The following PPARGC1A variants were observed in gnomAD, a reference collection of about 807,000 sequenced individuals.
PPARGC1A encodes the protein PPARG coactivator 1 alpha, also known as peroxisome proliferator-activated receptor gamma coactivator 1-alpha.
Under a neutral mutation model 88.7 loss-of-function variants are expected in PPARGC1A, and 25 were observed. That is an observed-to-expected ratio of 0.28 (90% CI 0.21 to 0.39). The LOEUF (loss-of-function observed/expected upper bound fraction) is 0.39, where lower values mean the gene tolerates loss of function less well. Ranked by LOEUF, PPARGC1A falls within the 10% of genes least tolerant of loss-of-function variation. PPARGC1A has a pLI of 1.00. For missense variants in PPARGC1A, 880 were observed against 968.7 expected, an observed-to-expected ratio of 0.91 and a Z score of 1.22; for synonymous variants, 363 against 355.6, an observed-to-expected ratio of 1.02 and a Z score of -0.24.
the PPARGC1A span, among the ~76,000 whole-genome samples, chr4:24,419,559 A>G: frequency 6.6e-6 from 1 of 151,234 alleles, no homozygotes; most frequent in African/African-American, 2.4e-5. Flanking sequence ...GAACTTCCTT[A>G]ATGCCACAGC....
At chr4:24,027,785 C>A in the PPARGC1A span, among the ~76,000 whole-genome samples, 1 of 152,096 alleles carries the variant, frequency 6.6e-6, no homozygotes, top group East Asian at 1.9e-4. Context: ...CATTAAGGTG[C>A]ATTGTTTTTG....
At chr4:24,264,163 A>C in the PPARGC1A span, among the ~76,000 whole-genome samples, 1 of 152,236 alleles carries the variant, frequency 6.6e-6, no homozygotes, top group South Asian at 2.1e-4. Flanking sequence ...TAAAGCTTCC[A>C]GTCAATAGTA....
chr4:24,051,004 G>A, the PPARGC1A span, among the ~76,000 whole-genome samples: 563 of 151,958 alleles, frequency 3.7e-3, 6 homozygotes, highest in African/African-American at 0.013. Flanking sequence ...TGGCTAACAT[G>A]GTGAAACCCC....
At chr4:23,935,623 A>C in the PPARGC1A span, among the ~76,000 whole-genome samples, 235 of 152,340 alleles carry the variant, frequency 1.5e-3, no homozygotes, top group African/African-American at 5.3e-3. Context: ...ATCCAGGCAT[A>C]AAAATTATTT....
the PPARGC1A span, among the ~76,000 whole-genome samples, chr4:24,063,459 A>T: frequency 6.6e-6 from 1 of 152,012 alleles, no homozygotes; most frequent in Non-Finnish European, 1.5e-5. Context: ...TGGCCCCACC[A>T]CTCAGTAGGT....
At chr4:23,938,870 T>G in the PPARGC1A span, among the ~76,000 whole-genome samples, 2 of 152,244 alleles carry the variant, frequency 1.3e-5, no homozygotes, top group Non-Finnish European at 2.9e-5. Context: ...GGAGAGAGCA[T>G]GTCTGCTGCC....
chr4:23,971,629 A>AT, the PPARGC1A span, among the ~76,000 whole-genome samples: 1 of 152,070 alleles, frequency 6.6e-6, no homozygotes, highest in Admixed American at 6.5e-5. Context: ...ACCTGTTCAC[A>AT]TTTTTCTGCC....
At position 23,867,853 on chromosome 4, in the gene PPARGC1A, T is replaced by A. The variant is rs140063753; in HGVS notation, c.234+16899A>T. ...GCACACTTTTCCACAAGAGGTAAAC[T>A]GTTTTCATTACAATCGTAAACGAGG... On this transcript the variant is annotated intron_variant, in intron 2 of 12. Coordinates refer to ENST00000264867, the MANE Select transcript of PPARGC1A (RefSeq NM_013261.5). Among the ~76,000 whole-genome samples, 676 of 152,354 alleles carry A rather than the reference T, an allele frequency of 4.4e-3. 3 individuals are homozygous for A. Among genetic ancestry groups the A allele is most frequent in the Non-Finnish European group, 7.0e-3 (473 of 68,030 alleles).
chr4:23,825,109 A>C (rs775820487), intron 5 of PPARGC1A: 32 of 152,972 alleles, frequency 2.1e-4, no homozygotes, highest in Admixed American at 8.5e-4. Flanking sequence ...ATCAGTTGAA[A>C]GGTGTGTAGA....
chr4:23,804,021 C>T (rs1343071201), intron 10 of PPARGC1A, among the ~76,000 whole-genome samples: 2 of 152,164 alleles, frequency 1.3e-5, no homozygotes, highest in Admixed American at 1.3e-4. Context: ...GGATGATAAG[C>T]TTACCAATGT....
At chr4:23,882,150 C>A (rs550032532) in intron 2 of PPARGC1A, 3 of 152,274 alleles carry the variant, frequency 2.0e-5, no homozygotes, top group South Asian at 4.1e-4. Flanking sequence ...CCCTTTGCCT[C>A]GATAAAGAAT....
At chr4:24,346,202 T>C in the PPARGC1A span, among the ~76,000 whole-genome samples, 1 of 152,228 alleles carries the variant, frequency 6.6e-6, no homozygotes, top group Non-Finnish European at 1.5e-5. Context: ...TTAAGGATTT[T>C]AGCATCTATG....
chr4:23,824,607 C>G (rs2109605195), intron 5 of PPARGC1A, 99 bp from the exon 6 acceptor site: 2 of 1,039,958 alleles, frequency 1.9e-6, no homozygotes, highest in Non-Finnish European at 2.8e-6. Context: ...CCAGAAAACT[C>G]AAAGACTAAA....
the PPARGC1A span, among the ~76,000 whole-genome samples, chr4:24,404,223 A>AC: frequency 6.6e-6 from 1 of 152,122 alleles, no homozygotes; most frequent in African/African-American, 2.4e-5. Flanking sequence ...AGATCGCGCC[A>AC]CCGCACTCCA....
At chr4:24,348,719 C>G in the PPARGC1A span, among the ~76,000 whole-genome samples, 1 of 152,062 alleles carries the variant, frequency 6.6e-6, no homozygotes, top group Non-Finnish European at 1.5e-5. Context: ...CTTCTTATAT[C>G]ATTTTTTGGA....
rs748801846 is a variant in PPARGC1A, at chr4:23,802,238, A to G, written c.2127T>C (p.Asn709=). 1.3e-4 allele frequency: 205 copies of G among 1,613,920 alleles called. No individual in the cohort carries two copies. Among genetic ancestry groups the G allele is most frequent in the South Asian group, 1.6e-4 (15 of 91,074 alleles). Reference sequence around the variant, plus strand: ...AAGATTCTCACCCATCATCCCGCAGATTTACTGTGCACTCCTCAATTTCAC... The same window carrying G: ...AAGATTCTCACCCATCATCCCGCAGGTTTACTGTGCACTCCTCAATTTCAC... ...VFGEIEECTV[N]LRDDGDSYGF... is the part of the protein sequence containing the mutation. Residue 709 remains asparagine, a synonymous_variant, in exon 11 of 13, where the codon AAT becomes AAC. Transcript: ENST00000264867.
At chr4:23,997,182 T>C in the PPARGC1A span, among the ~76,000 whole-genome samples, 2 of 152,170 alleles carry the variant, frequency 1.3e-5, no homozygotes, top group African/African-American at 4.8e-5. Context: ...AATGTGCCAT[T>C]CTGCCACTGT....
At chr4:23,820,874 G>T (rs1722890085) in intron 7 of PPARGC1A, among the ~76,000 whole-genome samples, 1 of 152,076 alleles carries the variant, frequency 6.6e-6, no homozygotes, top group Admixed American at 6.6e-5. Flanking sequence ...TGAGAGTAAA[G>T]AAAAAGAAGA....
chr4:24,364,902 G>A, the PPARGC1A span, among the ~76,000 whole-genome samples: 1 of 152,114 alleles, frequency 6.6e-6, no homozygotes, highest in South Asian at 2.1e-4. Context: ...ACAGCATCTG[G>A]CATGGTGCTT....
Sources: allele counts gnomAD v4.1 joint callset (sites outside exome capture counted in the v4.1 genomes callset), GRCh38; gene constraint gnomAD v4.1.1; transcripts MANE v1.5; gene names NCBI Gene and HGNC (gene_info 2026-07-23, HGNC 2026-07-21).